SPTBN4: variants seen among roughly 807,000 people sequenced by gnomAD.
SPTBN4 encodes spectrin beta chain, non-erythrocytic 4.
Under a neutral mutation model 277.8 loss-of-function variants are expected in SPTBN4, and 96 were observed. That is an observed-to-expected ratio of 0.35 (90% CI 0.29 to 0.41). The LOEUF (loss-of-function observed/expected upper bound fraction) is 0.41, where lower values mean the gene tolerates loss of function less well. Ranked by LOEUF, SPTBN4 falls within the 10% of genes least tolerant of loss-of-function variation. SPTBN4 has a pLI of 1.00. For synonymous variants in SPTBN4, 1,481 were observed against 1,580.3 expected (o/e 0.94, Z 1.49); for missense variants, 3,006 against 3,595.7 (o/e 0.84, Z 4.19).
At position 40,515,091 on chromosome 19, in the gene SPTBN4, C is replaced by T. The variant is rs1030236054; in HGVS notation, c.2766-220C>T. 5.9e-5 allele frequency among the ~76,000 whole-genome samples: 9 copies of T among 151,560 alleles called. No individual in the cohort carries two copies. The highest frequency in any genetic ancestry group is 1.9e-4 in the East Asian group (1 of 5,166). On this transcript the variant is annotated intron_variant, in intron 14 of 35. Coordinates refer to ENST00000598249, the MANE Select transcript of SPTBN4 (RefSeq NM_020971.3). The surrounding 1 kb of genome is among the most constrained non-coding windows in gnomAD (Gnocchi z 4.1). ...CTGCACTCCAGCCTGGGTGACAGAG[C>T]GAGACTCTGTCTCAATACATACATA...
chr19:40,567,782 C>A lies in SPTBN4; in HGVS notation c.6456C>A (p.Gly2152=). Reference sequence around the variant, plus strand: ...CGGCGCCCCTGCTGCGGCCAGGGGGCTATGAAAGGGGCTTGGAGCCCCTGG... The same window carrying A: ...CGGCGCCCCTGCTGCGGCCAGGGGGATATGAAAGGGGCTTGGAGCCCCTGG... ...AKAAPLLRPG[G]YERGLEPLAR... Residue 2152 remains glycine, a synonymous_variant, in exon 31 of 36, where the codon GGC becomes GGA. Transcript: ENST00000598249. 1 of 1,522,096 alleles carries A rather than the reference C, an allele frequency of 6.6e-7. No individual in the cohort carries two copies. The highest frequency in any genetic ancestry group is 8.8e-7 in the Non-Finnish European group (1 of 1,134,596). 94.3% of individuals were successfully genotyped at this position (1,522,096 alleles called of 1,614,324 possible). A position where few individuals can be genotyped will look rare whatever the true frequency, so the allele number is the denominator to read the frequency against.
chr19:40,570,400 A>C, intron 32 of SPTBN4, 36 bp from the exon 33 acceptor site: 14 of 1,488,198 alleles, frequency 9.4e-6, no homozygotes, highest in East Asian at 2.8e-5. Context: ...CACCCTCTCC[A>C]TGGACAGCAC....
At chr19:40,491,453 T>C (rs955909288) in intron 4 of SPTBN4, among the ~76,000 whole-genome samples, 4 of 151,678 alleles carry the variant, frequency 2.6e-5, no homozygotes, top group Middle Eastern at 3.2e-3. Flanking sequence ...GAAAGATAGA[T>C]CCCTTTGGCT....
intron 32 of SPTBN4, among the ~76,000 whole-genome samples, chr19:40,569,959 CACACACACACACACAG>C (rs1161147498): frequency 3.0e-4 from 45 of 148,486 alleles, no homozygotes; most frequent in Non-Finnish European, 4.3e-4. Context: ...CACACACACA[CACACACACACACACAG>C]ACACACACAC....
intron 2 of SPTBN4, among the ~76,000 whole-genome samples, chr19:40,477,797 C>T (rs748642701): frequency 1.3e-5 from 2 of 152,086 alleles, no homozygotes; most frequent in Non-Finnish European, 2.9e-5. Context: ...GAGAAGGATA[C>T]AGGTGAGGAG....
chr19:40,523,481 G>T lies in SPTBN4; in HGVS notation c.3699G>T (p.Ser1233=). Residue 1233 remains serine (S), a synonymous_variant, in exon 17 of 36, where the codon TCG becomes TCT. Transcript: ENST00000598249. ...SGAELPGTVE[S]VEEALKQHRD... is the part of the protein sequence containing the mutation. ...CGGAGCTCCCGGGCACAGTGGAATC[G>T]GTGGAGGAGGCCTTGAAACAGCACC... The T allele has an allele frequency of 1.2e-6, 2 of 1,613,172 alleles. No individual in the cohort carries two copies. The highest frequency in any genetic ancestry group is 1.7e-6 in the Non-Finnish European group (2 of 1,179,650).
intron 27 of SPTBN4, among the ~76,000 whole-genome samples, chr19:40,561,544 G>A (rs1226044721): frequency 6.6e-6 from 1 of 152,102 alleles, no homozygotes; most frequent in Non-Finnish European, 1.5e-5. Flanking sequence ...CATGGGGATG[G>A]GGCACAGTGG....
chr19:40,570,392 C>T (rs1281339360), intron 32 of SPTBN4, 44 bp from the exon 33 acceptor site: 1 of 1,489,376 alleles, frequency 6.7e-7, no homozygotes, highest in Admixed American at 2.0e-5. Flanking sequence ...GACCCCCACA[C>T]CCTCTCCATG....
intron 2 of SPTBN4, among the ~76,000 whole-genome samples, chr19:40,477,185 A>G (rs899796787): frequency 4.6e-5 from 7 of 151,986 alleles, no homozygotes; most frequent in East Asian, 3.9e-4. Flanking sequence ...GACTACAGGC[A>G]TGCACCATCA....
Position 40,490,341 on chromosome 19 carries a change from T to A in SPTBN4, c.495+93T>A. The A allele has an allele frequency of 2.1e-6, 3 of 1,407,194 alleles. No individual in the cohort carries two copies. The highest frequency in any genetic ancestry group is 2.9e-6 in the Non-Finnish European group (3 of 1,043,830). 87.2% of individuals were successfully genotyped at this position (1,407,194 alleles called of 1,614,324 possible). On this transcript the variant is annotated intron_variant, in intron 4 of 35. Transcript: ENST00000598249. This position sits in a 1 kb window ranked among gnomAD's most constrained non-coding sequence, Gnocchi z 4.3. ...CCCATTCATTCTTTCCTTCCAATAA[T>A]ATCCTAATATGCTGGAATCCTATTC...
intron 26 of SPTBN4, among the ~76,000 whole-genome samples, chr19:40,559,282 C>T (rs555075401): frequency 3.1e-4 from 47 of 152,164 alleles, no homozygotes; most frequent in Admixed American, 1.4e-3. Context: ...CTGAGAGATT[C>T]ATAGTAATAA....
chr19:40,517,030 A>G (rs2145872721), intron 15 of SPTBN4, among the ~76,000 whole-genome samples: 1 of 152,320 alleles, frequency 6.6e-6, no homozygotes, highest in East Asian at 1.9e-4. Flanking sequence ...TACAAGTCCA[A>G]AAAGGTGAAC....
Position 40,570,934 on chromosome 19 carries a change from G to T in SPTBN4, c.7319+206G>T, listed in dbSNP as rs912121884. The stretch of plus-strand genomic sequence containing the variant: ...AGGAGGGGGTGTGGTTTAACGTCAG[G>T]CCCTCCAACCCGTGGGGGTAGTAGG... On this transcript the variant is annotated intron_variant, in intron 33 of 35. Transcript: ENST00000598249. 1.1e-5 allele frequency: 6 copies of T among 523,838 alleles called. No individual in the cohort carries two copies. In the Admixed American group the frequency reaches 1.6e-4, roughly 14 times the overall value. 32.4% of individuals were successfully genotyped at this position (523,838 alleles called of 1,614,324 possible).
intron 1 of SPTBN4, among the ~76,000 whole-genome samples, chr19:40,469,401 A>C (rs970117924): frequency 6.6e-6 from 1 of 151,638 alleles, no homozygotes; most frequent in African/African-American, 2.4e-5. Flanking sequence ...AGTAGCTGGG[A>C]TTACAGGCAC....
chr19:40,518,248 G>A (rs944187013), intron 15 of SPTBN4, among the ~76,000 whole-genome samples: 2 of 152,152 alleles, frequency 1.3e-5, no homozygotes, highest in Non-Finnish European at 2.9e-5. Flanking sequence ...GGAGGTTGCA[G>A]TGAGCTGAGA....
intron 18 of SPTBN4, chr19:40,530,665 G>A: frequency 1.3e-6 from 1 of 795,498 alleles, no homozygotes; most frequent in African/African-American, 1.9e-5. Context: ...TCGGGCGCGT[G>A]CCCGCCCGTC....
chr19:40,513,040 G>T lies in SPTBN4; in HGVS notation c.2251G>T (p.Ala751Ser). Residue 751 changes from alanine to serine, a missense_variant, in exon 14 of 36, where the codon GCC becomes TCC. By Grantham distance (99) the Ala-to-Ser change is moderately conservative. Around this residue, in one of 5 missense-constraint regions of SPTBN4, gnomAD observed 1,759 missense variants for 2,061.5 expected, o/e 0.85. Transcript: ENST00000598249. ...AGGCCTGGCGGAGCGCGCGGCGAGC[G>T]CCCGGCGCCGCTGGCAGAGGCTGGA... ...LVGLAERAAS[A>S]RRRWQRLEEA... 7.0e-7 allele frequency: 1 copy of T among 1,420,624 alleles called. No individual in the cohort carries two copies. Among genetic ancestry groups the T allele is most frequent in the Non-Finnish European group, 9.1e-7 (1 of 1,094,374 alleles). The allele number at this position is 1,420,624 out of a possible 1,614,324, so 88.0% of individuals were successfully genotyped here. A position where few individuals can be genotyped will look rare whatever the true frequency, so the allele number is the denominator to read the frequency against.
At position 40,532,789 on chromosome 19, in the gene SPTBN4, C is replaced by T; in HGVS notation, c.4095+18C>T. The T allele has an allele frequency of 6.2e-7, 1 of 1,600,542 alleles. No individual in the cohort carries two copies. Among genetic ancestry groups the T allele is most frequent in the South Asian group, 1.1e-5 (1 of 88,938 alleles). Reference sequence around the variant, plus strand: ...TCGAGCGGGTGAGGAAGCTGATGGCCCCTCTGCCTGTGCCAGGTGCAGGAG... The same window carrying T: ...TCGAGCGGGTGAGGAAGCTGATGGCTCCTCTGCCTGTGCCAGGTGCAGGAG... On this transcript the variant is annotated intron_variant, in intron 19 of 35. Transcript: ENST00000598249.
chr19:40,566,228 C>T lies in SPTBN4; in HGVS notation c.6205C>T (p.Pro2069Ser), dbSNP rs2081090841. Residue 2069 changes from proline (P) to serine (S), a missense_variant, in exon 30 of 36, where the codon CCG becomes TCG. By Grantham distance (74) the Pro-to-Ser change is moderately conservative. Around this residue, in one of 5 missense-constraint regions of SPTBN4, gnomAD observed 425 missense variants for 594.7 expected, o/e 0.71. Coordinates refer to ENST00000598249, the MANE Select transcript of SPTBN4 (RefSeq NM_020971.3). ...TGATGCCTGGCTGACAGCCCAGGAG[C>T]CGCTCCTGCAGAGCCGGGAGCTGGG... ...VADAWLTAQEPLLQSRELGSS... is the reference protein window; with the variant it reads ...VADAWLTAQESLLQSRELGSS... 1 of 1,555,370 alleles carries T rather than the reference C, an allele frequency of 6.4e-7. No individual in the cohort carries two copies. The highest frequency in any genetic ancestry group is 8.7e-7 in the Non-Finnish European group (1 of 1,149,122).
Sources: gnomAD v4.1 joint callset for allele counts (sites outside exome capture counted in the v4.1 genomes callset) on GRCh38, gnomAD v4.1.1 for gene constraint, gnomAD v4.1.1 regional missense constraint, Gnocchi (gnomAD v3.1) non-coding constraint, MANE v1.5 for transcripts, NCBI Gene and HGNC (gene_info 2026-07-23, HGNC 2026-07-21) for gene names.